The following DPP8 variants were observed in gnomAD, a reference collection of about 807,000 sequenced individuals.
DPP8 encodes the protein DPP VIII.
In DPP8, 31 loss-of-function variants were observed where a neutral mutation model predicts 107.5. The observed-to-expected ratio is 0.29, with a 90% CI of 0.22 to 0.39. DPP8 has a LOEUF of 0.39. Among genes scored for constraint, DPP8 ranks in the 10% least tolerant of loss-of-function variants. The pLI is 1.00. For missense variants in DPP8, 842 were observed against 1,076.1 expected (o/e 0.78, Z 3.04); for synonymous variants, 381 against 356.6 (o/e 1.07, Z -0.77).
chr15:65,462,538 A>T (rs929931646), intron 15 of DPP8, among the ~76,000 whole-genome samples: 9 of 152,170 alleles, frequency 5.9e-5, no homozygotes, highest in Non-Finnish European at 1.0e-4. Context: ...TATATAATCA[A>T]GAATAAACAA....
intron 1 of DPP8, among the ~76,000 whole-genome samples, chr15:65,514,715 T>A (rs1194216572): frequency 6.6e-6 from 1 of 152,206 alleles, no homozygotes; most frequent in African/African-American, 2.4e-5. Flanking sequence ...TTTCACCATC[T>A]TGGCCAGGCT....
intron 11 of DPP8, among the ~76,000 whole-genome samples, chr15:65,475,137 T>C (rs966826279): frequency 2.2e-4 from 34 of 152,242 alleles, no homozygotes; most frequent in African/African-American, 8.2e-4. Context: ...CCTTCTTACT[T>C]GTACCCTTCT....
intron 13 of DPP8, 39 bp from the exon 14 acceptor site, chr15:65,466,852 G>A (rs372876247): frequency 5.6e-6 from 9 of 1,593,694 alleles, no homozygotes; most frequent in Non-Finnish European, 7.7e-6. Context: ...TCGTCAGGAA[G>A]GTAGAAAAGG....
rs3985661 is a variant in DPP8, at chr15:65,494,163, T to TTTTTTTTG, written c.715+3700_715+3701insCAAAAAAA. ...GGTTCTATATCCTTTTTTTTTTTTT[T>TTTTTTTTG]AGAGACAGGGTCTCTCTCTTTCATC... On this transcript the variant is annotated intron_variant, in intron 5 of 19. Coordinates refer to ENST00000300141, the MANE Select transcript of DPP8 (RefSeq NM_130434.5). Among the ~76,000 whole-genome samples, 2 of 148,714 alleles carry TTTTTTTTG rather than the reference T, an allele frequency of 1.3e-5. 1 individual carries two copies. The highest frequency in any genetic ancestry group is 5.1e-5 in the African/African-American group (2 of 39,298).
chr15:65,493,828 T>C (rs2068285097), intron 5 of DPP8, among the ~76,000 whole-genome samples: 1 of 152,158 alleles, frequency 6.6e-6, no homozygotes, highest in African/African-American at 2.4e-5. Flanking sequence ...TAAACACATG[T>C]ACATACTGAT....
At chr15:65,449,384 A>C (rs1403016967) in intron 19 of DPP8, among the ~76,000 whole-genome samples, 5 of 151,460 alleles carry the variant, frequency 3.3e-5, no homozygotes, top group African/African-American at 1.2e-4. Flanking sequence ...TAGTATTTAC[A>C]ATTATCTGAA....
chr15:65,484,786 C>G (rs1188103445), intron 8 of DPP8, among the ~76,000 whole-genome samples: 1 of 152,000 alleles, frequency 6.6e-6, no homozygotes, highest in East Asian at 1.9e-4. Flanking sequence ...TTTAATGCAC[C>G]ACAGATATCT....
At chr15:65,456,090 C>T (rs1369383734) in intron 16 of DPP8, 135 bp downstream of exon 16, 2 of 1,119,516 alleles carry the variant, frequency 1.8e-6, no homozygotes, top group South Asian at 1.5e-5. Flanking sequence ...TCTCCCACCC[C>T]CAAACTCTAA....
chr15:65,449,257 A>T (rs914437538), intron 19 of DPP8, among the ~76,000 whole-genome samples: 5 of 146,800 alleles, frequency 3.4e-5, no homozygotes, highest in Admixed American at 2.7e-4. Flanking sequence ...ATAATTTAAA[A>T]ATATATATAT....
chr15:65,461,551 A>C (rs2064920944), intron 15 of DPP8, among the ~76,000 whole-genome samples: 1 of 151,850 alleles, frequency 6.6e-6, no homozygotes, highest in South Asian at 2.1e-4. Flanking sequence ...AATTTAACAA[A>C]TGTATAAAGC....
chr15:65,490,100 TCC>T (rs2067878540), intron 6 of DPP8, 87 bp downstream of exon 6: 1 of 599,514 alleles, frequency 1.7e-6, no homozygotes, highest in Non-Finnish European at 2.8e-6. Context: ...AAATCTATTA[TCC>T]AAGATTTAGA....
Position 65,476,237 on chromosome 15 carries a change from T to C in DPP8, c.1457-1949A>G, listed in dbSNP as rs537922737. On this transcript the variant is annotated intron_variant, in intron 11 of 19. Transcript: ENST00000300141. ...TCTTTCCTAGGGTTCCACGTAAGTT[T>C]AAAAAAATATTTTAAACTCGAAGAG... Among the ~76,000 whole-genome samples, 36 of 152,224 alleles carry C rather than the reference T, an allele frequency of 2.4e-4. No homozygotes were observed. The East Asian group carries it at 3.9e-3, about 16-fold the overall frequency.
At chr15:65,475,417 C>G (rs1019052099) in intron 11 of DPP8, 20 of 1,572,702 alleles carry the variant, frequency 1.3e-5, no homozygotes, top group Non-Finnish European at 1.7e-5. Flanking sequence ...CTTTGCCACT[C>G]AAATATACCT....
At chr15:65,487,294 C>A (rs2067539528) in intron 7 of DPP8, among the ~76,000 whole-genome samples, 1 of 152,058 alleles carries the variant, frequency 6.6e-6, no homozygotes, top group African/African-American at 2.4e-5. Flanking sequence ...GGATTACAGG[C>A]ATGCACCACC....
At chr15:65,488,100 T>C (rs1326256550) in intron 6 of DPP8, among the ~76,000 whole-genome samples, 1 of 152,194 alleles carries the variant, frequency 6.6e-6, no homozygotes, top group African/African-American at 2.4e-5. Context: ...TACCATAAAA[T>C]GCATTCTTTG....
intron 8 of DPP8, among the ~76,000 whole-genome samples, chr15:65,483,217 T>A (rs192376629): frequency 1.3e-5 from 2 of 152,150 alleles, no homozygotes; most frequent in East Asian, 3.9e-4. Context: ...AATCCACTGC[T>A]GGTGGGAATA....
intron 5 of DPP8, among the ~76,000 whole-genome samples, chr15:65,497,078 C>T (rs1335957924): frequency 2.6e-5 from 4 of 151,914 alleles, no homozygotes; most frequent in Non-Finnish European, 2.9e-5. Flanking sequence ...TTAGTAGAGA[C>T]AGGGTTTCAT....
At position 65,480,208 on chromosome 15, in the gene DPP8, G is replaced by A; in HGVS notation, c.1296+14C>T. The A allele has an allele frequency of 6.3e-7, 1 of 1,595,820 alleles. No homozygotes were observed. Among genetic ancestry groups the A allele is most frequent in the Non-Finnish European group, 8.5e-7 (1 of 1,170,062 alleles). On this transcript the variant is annotated intron_variant, in intron 10 of 19. Transcript: ENST00000300141. ...TGAGAAAATATTTAAACAAATACAG[G>A]AAAAAATGCATACATTTATCCAGAT...
At position 65,501,808 on chromosome 15, in the gene DPP8, C is replaced by T. The variant is rs569429959; in HGVS notation, c.373-1029G>A. Among the ~76,000 whole-genome samples, 36 of 152,324 alleles carry T rather than the reference C, an allele frequency of 2.4e-4. No homozygotes were observed. In the East Asian group the frequency reaches 3.9e-3, roughly 16 times the overall value. ...CTTGGAAGAATGTTTTTCTTTCTACCTATCCCAGTTTACTTATACCCCAAA... is the reference window on the plus strand; with the variant it reads ...CTTGGAAGAATGTTTTTCTTTCTACTTATCCCAGTTTACTTATACCCCAAA... On this transcript the variant is annotated intron_variant, in intron 3 of 19. Coordinates refer to ENST00000300141, the MANE Select transcript of DPP8 (RefSeq NM_130434.5).
Sources: allele counts gnomAD v4.1 joint callset (sites outside exome capture counted in the v4.1 genomes callset), GRCh38; gene constraint gnomAD v4.1.1; transcripts MANE v1.5; gene names NCBI Gene and HGNC (gene_info 2026-07-23, HGNC 2026-07-21).